The following TIMP2 variants were observed in gnomAD, a reference collection of about 807,000 sequenced individuals.
TIMP2 encodes the protein TIMP metallopeptidase inhibitor 2.
TIMP2 carries 5 observed loss-of-function variants against 24.3 expected under a neutral mutation model. That is an observed-to-expected ratio of 0.21 (90% CI 0.11 to 0.43). The LOEUF (loss-of-function observed/expected upper bound fraction) is 0.43. TIMP2 is among the 20% of genes least tolerant of loss of function. The pLI is 1.00. For synonymous variants in TIMP2, 130 were observed against 123.2 expected (o/e 1.06, Z -0.37); for missense variants, 221 against 297.5 (o/e 0.74, Z 1.89).
intron 1 of TIMP2, among the ~76,000 whole-genome samples, chr17:78,882,195 C>T (rs574240109): frequency 6.6e-6 from 1 of 152,336 alleles, no homozygotes; most frequent in South Asian, 2.1e-4. Flanking sequence ...TGGTCTTGAA[C>T]TCCTGACCTC....
chr17:78,891,577 C>T lies in TIMP2; in HGVS notation c.131-17658G>A. 2 of 1,550,882 alleles carry T rather than the reference C, an allele frequency of 1.3e-6. No individual in the cohort carries two copies. The highest frequency in any genetic ancestry group is 1.7e-6 in the Non-Finnish European group (2 of 1,147,058). Reference sequence around the variant, plus strand: ...AGCTGGAATCAGCTGGCCACAGCTGCCCGAGGTCTCTCAGCTTCCCCTCCA... The same window carrying T: ...AGCTGGAATCAGCTGGCCACAGCTGTCCGAGGTCTCTCAGCTTCCCCTCCA... On this transcript the variant is annotated intron_variant, in intron 1 of 4. Coordinates refer to ENST00000262768, the MANE Select transcript of TIMP2 (RefSeq NM_003255.5). The surrounding 1 kb of genome is among the most constrained non-coding windows in gnomAD (Gnocchi z 4.5).
chr17:78,859,431 G>A (rs1436887627), intron 3 of TIMP2, among the ~76,000 whole-genome samples: 1 of 151,966 alleles, frequency 6.6e-6, no homozygotes, highest in Non-Finnish European at 1.5e-5. Context: ...AGGCTGAGGT[G>A]GGCGGATCAC....
chr17:78,919,853 A>G (rs1261204637), intron 1 of TIMP2, among the ~76,000 whole-genome samples: 2 of 152,068 alleles, frequency 1.3e-5, no homozygotes, highest in Non-Finnish European at 2.9e-5. Flanking sequence ...GAAAAAGAAA[A>G]GAAGACCATC....
chr17:78,907,574 T>C (rs905157502), intron 1 of TIMP2, among the ~76,000 whole-genome samples: 2 of 152,076 alleles, frequency 1.3e-5, no homozygotes, highest in Non-Finnish European at 2.9e-5. Context: ...ATAACAGGTA[T>C]GATAATAATG....
chr17:78,918,548 C>CGCCT (rs1049485202), intron 1 of TIMP2, among the ~76,000 whole-genome samples: 16 of 152,184 alleles, frequency 1.1e-4, no homozygotes, highest in African/African-American at 3.6e-4. Context: ...TGGGTCTGCC[C>CGCCT]GCCTTCCCTC....
At position 78,854,921 on chromosome 17, in the gene TIMP2, C is replaced by CGGGGGGGGGGGGGGGGG. The variant is rs71161632; in HGVS notation, c.*745_*746insCCCCCCCCCCCCCCCCC. 1.3e-4 allele frequency: 5 copies of CGGGGGGGGGGGGGGGGG among 39,090 alleles called. No individual in the cohort carries two copies. The highest frequency in any genetic ancestry group is 6.9e-4 in the East Asian group (1 of 1,448). The allele number at this position is 39,090 out of a possible 1,614,324, so 2.4% of individuals were successfully genotyped here. On this transcript the variant is annotated 3_prime_UTR_variant, in exon 5 of 5. Coordinates refer to ENST00000262768, the MANE Select transcript of TIMP2 (RefSeq NM_003255.5). ...TCCTGCAAGCTGGGGAGCATGTGGG[C>CGGGGGGGGGGGGGGGGG]GGGGGGGGGGGGGTGGGGGGGTGGG...
At chr17:78,887,632 G>C (rs1269639340) in intron 1 of TIMP2, among the ~76,000 whole-genome samples, 1 of 151,792 alleles carries the variant, frequency 6.6e-6, no homozygotes, top group Non-Finnish European at 1.5e-5. Context: ...TGATCCACCT[G>C]CCTCGGCCTC....
chr17:78,890,453 A>G, intron 1 of TIMP2: 1 of 627,466 alleles, frequency 1.6e-6, no homozygotes, highest in Non-Finnish European at 2.6e-6. Flanking sequence ...CCTGAGGCCG[A>G]CCTCGGCCTC....
At position 78,924,802 on chromosome 17, in the gene TIMP2, C is replaced by T. The variant is rs1392245602; in HGVS notation, c.130+157G>A. Among the ~76,000 whole-genome samples the T allele has an allele frequency of 1.3e-5, 2 of 151,822 alleles. No individual in the cohort carries two copies. The highest frequency in any genetic ancestry group is 2.9e-5 in the Non-Finnish European group (2 of 67,920). ...AGGGAGGGGGGAAAGAAAGTCGGCT[C>T]TGGGCGTCCACTTGCAGGATTCGAG... On this transcript the variant is annotated intron_variant, in intron 1 of 4. Transcript: ENST00000262768. This position sits in a 1 kb window ranked among gnomAD's most constrained non-coding sequence, Gnocchi z 5.3.
intron 1 of TIMP2, among the ~76,000 whole-genome samples, chr17:78,882,295 A>G (rs1287440796): frequency 1.3e-5 from 2 of 152,132 alleles, no homozygotes; most frequent in Non-Finnish European, 2.9e-5. Context: ...TAATATGTCT[A>G]AAGCGCCAGC....
intron 1 of TIMP2, among the ~76,000 whole-genome samples, chr17:78,875,812 G>C (rs1391975800): frequency 2.6e-5 from 4 of 152,164 alleles, no homozygotes; most frequent in African/African-American, 9.7e-5. Flanking sequence ...AGGCTCAGGC[G>C]TGTGGGTGCT....
rs1442365323 is a variant in TIMP2 at position 78,890,514 on chromosome 17, CCCATTTTAAAG to C, written c.131-16606_131-16596del. 3 of 1,161,658 alleles carry C rather than the reference CCCATTTTAAAG, an allele frequency of 2.6e-6. No homozygotes were observed. The Admixed American group carries it at 8.4e-5, about 33-fold the overall frequency. 72.0% of individuals were successfully genotyped at this position (1,161,658 alleles called of 1,614,324 possible). ...CGCCACTGCACCCGGCCCCAGATTGCCCATTTTAAAGAGGCCTAATAGTCTCTGAGGCAATG... is the reference window on the plus strand; with the variant it reads ...CGCCACTGCACCCGGCCCCAGATTGCAGGCCTAATAGTCTCTGAGGCAATG... On this transcript the variant is annotated intron_variant, in intron 1 of 4. Transcript: ENST00000262768.
At chr17:78,870,424 AG>A (rs1437404463) in intron 3 of TIMP2, among the ~76,000 whole-genome samples, 6,095 of 139,626 alleles carry the variant, frequency 0.044, 474 homozygotes, top group African/African-American at 0.12. Flanking sequence ...TCAAAAAAAA[AG>A]AAAGAAAGAA....
chr17:78,887,627 C>T (rs191040002), intron 1 of TIMP2, among the ~76,000 whole-genome samples: 236 of 152,152 alleles, frequency 1.6e-3, no homozygotes, highest in Non-Finnish European at 2.9e-3. Flanking sequence ...TCAAGTGATC[C>T]ACCTGCCTCG....
chr17:78,900,046 T>C (rs1178704460), intron 1 of TIMP2: 1 of 152,152 alleles, frequency 6.6e-6, no homozygotes, highest in Admixed American at 6.5e-5. Context: ...TTGACCTTCT[T>C]TGGGGGAAAT....
chr17:78,855,961 T>A lies in TIMP2; in HGVS notation c.466-97A>T. ...CATGTCCAGAACCCGGCAATGTGCC[T>A]ACCTGTCATGTGCAGGGATGGCAGC... On this transcript the variant is annotated intron_variant, in intron 4 of 4. Transcript: ENST00000262768. The surrounding 1 kb of genome is among the most constrained non-coding windows in gnomAD (Gnocchi z 6.0). 1 of 1,258,380 alleles carries A rather than the reference T, an allele frequency of 7.9e-7. No homozygotes were observed. Among genetic ancestry groups the A allele is most frequent in the Non-Finnish European group, 1.1e-6 (1 of 873,974 alleles). 78.0% of individuals were successfully genotyped at this position (1,258,380 alleles called of 1,614,324 possible).
intron 1 of TIMP2, among the ~76,000 whole-genome samples, chr17:78,913,178 G>A (rs1420185321): frequency 2.0e-5 from 3 of 152,200 alleles, no homozygotes; most frequent in East Asian, 1.9e-4. Flanking sequence ...GCCGACTGCC[G>A]GCTACAGGAC....
In TIMP2 at chr17:78,895,097, A is replaced by G. The variant is rs553637374; in HGVS notation, c.131-21178T>C. Among the ~76,000 whole-genome samples the G allele has an allele frequency of 3.3e-5, 5 of 152,230 alleles. No individual in the cohort carries two copies. The East Asian group carries it at 9.7e-4, about 29-fold the overall frequency. On this transcript the variant is annotated intron_variant, in intron 1 of 4. Transcript: ENST00000262768. ...GGAGTTCGAAAGCAGCCTAACCAACATGGTGAAACCCCGTCTCTACTAAAA... is the reference window on the plus strand; with the variant it reads ...GGAGTTCGAAAGCAGCCTAACCAACGTGGTGAAACCCCGTCTCTACTAAAA...
At chr17:78,923,396 T>TGGGGGGGGGG (rs1255104339) in intron 1 of TIMP2, among the ~76,000 whole-genome samples, 7 of 47,658 alleles carry the variant, frequency 1.5e-4, no homozygotes, top group African/African-American at 1.8e-4. Flanking sequence ...TGGGGCGGGG[T>TGGGGGGGGGG]GGGGGGGGGG....
Sources: allele counts gnomAD v4.1 joint callset (sites outside exome capture counted in the v4.1 genomes callset), GRCh38; gene constraint gnomAD v4.1.1; non-coding constraint Gnocchi (gnomAD v3.1); transcripts MANE v1.5; gene names NCBI Gene and HGNC (gene_info 2026-07-23, HGNC 2026-07-21).